Variants in PRMT3 observed in about 807,000 individuals in gnomAD.
PRMT3 encodes protein arginine N-methyltransferase 3.
PRMT3 carries 62 observed loss-of-function variants against 71.9 expected under a neutral mutation model. The ratio of observed to expected loss-of-function variants is 0.86; its 90% CI spans 0.70 to 1.07. The LOEUF (loss-of-function observed/expected upper bound fraction) is 1.07. Ranked by LOEUF, PRMT3 falls within the 50% of genes least tolerant of loss-of-function variation. The pLI, the probability that PRMT3 is intolerant of heterozygous loss-of-function variation, is 0.00. For missense variants in PRMT3, 663 were observed against 643.0 expected, an observed-to-expected ratio of 1.03 and a Z score of -0.34; for synonymous variants, 213 against 220.4, an observed-to-expected ratio of 0.97 and a Z score of 0.30.
At chr11:20,496,863 T>A (rs952837199) in intron 15 of PRMT3, among the ~76,000 whole-genome samples, 2 of 152,210 alleles carry the variant, frequency 1.3e-5, no homozygotes, top group African/African-American at 4.8e-5. Flanking sequence ...CTTGTCATTT[T>A]CTCACTTTGA....
intron 13 of PRMT3, among the ~76,000 whole-genome samples, chr11:20,490,177 C>T (rs560294516): frequency 1.3e-5 from 2 of 152,016 alleles, no homozygotes; most frequent in East Asian, 3.9e-4. Flanking sequence ...AACTTCTCCT[C>T]ATGCTTCTGC....
chr11:20,409,098 A>T (rs964062309), intron 9 of PRMT3, among the ~76,000 whole-genome samples: 3 of 152,086 alleles, frequency 2.0e-5, no homozygotes, highest in Admixed American at 2.0e-4. Context: ...CACTTTCTCC[A>T]AAAAAAATTT....
chr11:20,441,117 A>T (rs1849884844), intron 10 of PRMT3, among the ~76,000 whole-genome samples: 1 of 151,840 alleles, frequency 6.6e-6, no homozygotes, highest in South Asian at 2.1e-4. Context: ...TATGTTTATG[A>T]TTCAGATTTT....
chr11:20,418,513 A>G (rs1254616965), intron 9 of PRMT3, among the ~76,000 whole-genome samples: 1 of 152,234 alleles, frequency 6.6e-6, no homozygotes, highest in Non-Finnish European at 1.5e-5. Context: ...AATTTCTGAT[A>G]CAAATAGGTT....
chr11:20,499,431 G>A (rs185770422), intron 15 of PRMT3, among the ~76,000 whole-genome samples: 175 of 152,228 alleles, frequency 1.1e-3, no homozygotes, highest in African/African-American at 4.0e-3. Flanking sequence ...GACCAGCCTG[G>A]GGAACAAAGC....
chr11:20,483,969 A>G (rs1357997911), intron 13 of PRMT3, among the ~76,000 whole-genome samples: 2 of 152,228 alleles, frequency 1.3e-5, no homozygotes, highest in East Asian at 1.9e-4. Flanking sequence ...ATAGGAAGTT[A>G]TAAGTTACAG....
chr11:20,454,110 C>T (rs1850215270), intron 11 of PRMT3, among the ~76,000 whole-genome samples: 1 of 152,170 alleles, frequency 6.6e-6, no homozygotes, highest in Admixed American at 6.5e-5. Flanking sequence ...TGAGATTTTA[C>T]AGTCTCCTAA....
chr11:20,396,646 C>T (rs1848831993), intron 6 of PRMT3, among the ~76,000 whole-genome samples: 1 of 150,408 alleles, frequency 6.6e-6, no homozygotes, highest in Non-Finnish European at 1.5e-5. Context: ...GGGGTGGGGT[C>T]GGTGGGGGGG....
chr11:20,409,026 A>G (rs1279763113), intron 9 of PRMT3, among the ~76,000 whole-genome samples: 1 of 152,142 alleles, frequency 6.6e-6, no homozygotes, highest in Non-Finnish European at 1.5e-5. Context: ...GACCTGGGGA[A>G]GTGGAGGCTG....
intron 13 of PRMT3, among the ~76,000 whole-genome samples, chr11:20,489,455 C>T (rs1253380117): frequency 2.0e-5 from 3 of 152,052 alleles, no homozygotes; most frequent in Non-Finnish European, 2.9e-5. Context: ...TTATTTGTTG[C>T]CATTGCCTAT....
intron 13 of PRMT3, among the ~76,000 whole-genome samples, chr11:20,487,597 G>C (rs947823150): frequency 5.9e-5 from 9 of 152,156 alleles, no homozygotes; most frequent in African/African-American, 1.2e-4. Flanking sequence ...CTGGGTGTGG[G>C]TTTCACAGCT....
chr11:20,508,452 T>G lies in PRMT3; in HGVS notation c.*39T>G, dbSNP rs528083235. On this transcript the variant is annotated 3_prime_UTR_variant, in exon 16 of 16. Transcript: ENST00000331079. ...GCACACTACCTTGTAGTTTTTAATG[T>G]GGGGGTAGAGTGGGTCAGCAGGAGG... 10 of 1,444,434 alleles carry G rather than the reference T, an allele frequency of 6.9e-6. No homozygotes were observed. The Admixed American group carries it at 1.7e-4, about 24-fold the overall frequency. The allele number at this position is 1,444,434 out of a possible 1,614,324, so 89.5% of individuals were successfully genotyped here.
chr11:20,417,003 T>C (rs1330110795), intron 9 of PRMT3, among the ~76,000 whole-genome samples: 1 of 152,172 alleles, frequency 6.6e-6, no homozygotes, highest in Non-Finnish European at 1.5e-5. Flanking sequence ...CCGTAATGTT[T>C]TAGTCCCTTT....
chr11:20,467,845 A>G (rs902255571), intron 13 of PRMT3, among the ~76,000 whole-genome samples: 1 of 152,170 alleles, frequency 6.6e-6, no homozygotes, highest in Admixed American at 6.5e-5. Flanking sequence ...TAATGCTTCT[A>G]TTAGGTGTTC....
intron 10 of PRMT3, among the ~76,000 whole-genome samples, chr11:20,451,814 G>A (rs567232779): frequency 1.6e-4 from 24 of 152,142 alleles, no homozygotes; most frequent in Non-Finnish European, 2.4e-4. Context: ...ATTCCAGGGA[G>A]TTATAGGGCT....
intron 13 of PRMT3, among the ~76,000 whole-genome samples, chr11:20,487,898 A>G (rs1161657364): frequency 2.0e-5 from 3 of 152,196 alleles, no homozygotes; most frequent in African/African-American, 7.2e-5. Context: ...AAGGAGTTTC[A>G]GTTATCTTGA....
At chr11:20,489,161 A>G (rs1217044537) in intron 13 of PRMT3, among the ~76,000 whole-genome samples, 1 of 151,224 alleles carries the variant, frequency 6.6e-6, no homozygotes, top group Non-Finnish European at 1.5e-5. Context: ...ACTACTTACC[A>G]CTCATTCTCC....
At chr11:20,399,523 TA>T (rs1411765138) in intron 7 of PRMT3, among the ~76,000 whole-genome samples, 1 of 152,212 alleles carries the variant, frequency 6.6e-6, no homozygotes, top group African/African-American at 2.4e-5. Flanking sequence ...TTATTAAAAT[TA>T]ATTTTTTTAT....
intron 10 of PRMT3, among the ~76,000 whole-genome samples, chr11:20,444,079 T>C (rs1849969644): frequency 6.6e-6 from 1 of 152,150 alleles, no homozygotes; most frequent in South Asian, 2.1e-4. Context: ...AATTAGGAGC[T>C]TCTCTGACAG....
Sources: gnomAD v4.1 joint callset for allele counts (sites outside exome capture counted in the v4.1 genomes callset) on GRCh38, gnomAD v4.1.1 for gene constraint, MANE v1.5 for transcripts, NCBI Gene and HGNC (gene_info 2026-07-23, HGNC 2026-07-21) for gene names.